The following CARMIL1 variants were observed in gnomAD, a reference collection of about 807,000 sequenced individuals.
The protein encoded by CARMIL1 is F-actin-uncapping protein LRRC16A.
In CARMIL1, 90 loss-of-function variants were observed where a neutral mutation model predicts 177.1. That is an observed-to-expected ratio of 0.51 (90% CI 0.43 to 0.61). The LOEUF is 0.61. Among genes scored for constraint, CARMIL1 ranks in the 20% least tolerant of loss-of-function variants. CARMIL1 has a pLI of 0.00. For synonymous variants in CARMIL1, 577 were observed against 606.2 expected (o/e 0.95, Z 0.71); for missense variants, 1,380 against 1,667.0 (o/e 0.83, Z 3.00).
chr6:25,515,977 C>G lies in CARMIL1; in HGVS notation c.1805+130C>G. 1.2e-6 allele frequency: 1 copy of G among 857,998 alleles called. No individual in the cohort carries two copies. Among genetic ancestry groups the G allele is most frequent in the Non-Finnish European group, 1.7e-6 (1 of 577,056 alleles). 53.1% of individuals were successfully genotyped at this position (857,998 alleles called of 1,614,324 possible). On this transcript the variant is annotated intron_variant, in intron 21 of 36. Coordinates refer to ENST00000329474, the MANE Select transcript of CARMIL1 (RefSeq NM_017640.6). This position sits in a 1 kb window ranked among gnomAD's most constrained non-coding sequence, Gnocchi z 5.0. Reference sequence around the variant, plus strand: ...AGGCCATCTTGAGGAGAAGAGGTGACAATGTCAAGATTTCTGTCAGAATAA... The same window carrying G: ...AGGCCATCTTGAGGAGAAGAGGTGAGAATGTCAAGATTTCTGTCAGAATAA...
intron 2 of CARMIL1, among the ~76,000 whole-genome samples, chr6:25,367,185 A>G (rs1015949171): frequency 6.6e-6 from 1 of 151,924 alleles, no homozygotes; most frequent in African/African-American, 2.4e-5. Flanking sequence ...GCTGCATAAC[A>G]TTTACTTTTT....
At chr6:25,512,908 C>T (rs1356864178) in intron 20 of CARMIL1, among the ~76,000 whole-genome samples, 1 of 152,120 alleles carries the variant, frequency 6.6e-6, no homozygotes, top group African/African-American at 2.4e-5. Context: ...GACAGATTCT[C>T]AGATTAAGCA....
At chr6:25,615,814 A>AATATGG (rs1360834361) in intron 36 of CARMIL1, among the ~76,000 whole-genome samples, 3 of 152,200 alleles carry the variant, frequency 2.0e-5, no homozygotes. Flanking sequence ...TCTCCTGGAA[A>AATATGG]ATATGGATGT....
intron 31 of CARMIL1, among the ~76,000 whole-genome samples, chr6:25,589,105 C>G (rs778988155): frequency 2.0e-5 from 3 of 152,238 alleles, no homozygotes; most frequent in Non-Finnish European, 4.4e-5. Flanking sequence ...TTCAGCCCCT[C>G]ATCTGGTGCT....
intron 32 of CARMIL1, among the ~76,000 whole-genome samples, chr6:25,596,223 T>C (rs1385331142): frequency 6.6e-6 from 1 of 152,150 alleles, no homozygotes. Flanking sequence ...ATTCCGTTCA[T>C]GTTTCAGTGC....
chr6:25,325,261 T>G (rs1249569828), intron 2 of CARMIL1, among the ~76,000 whole-genome samples: 1 of 152,170 alleles, frequency 6.6e-6, no homozygotes, highest in African/African-American at 2.4e-5. Context: ...ATACGTGCCA[T>G]TATGTGAGGC....
chr6:25,559,902 A>G (rs1267274277), intron 29 of CARMIL1, among the ~76,000 whole-genome samples: 2 of 152,196 alleles, frequency 1.3e-5, no homozygotes, highest in Non-Finnish European at 2.9e-5. Flanking sequence ...ATTCCATTTC[A>G]GTGCTTAAGT....
intron 8 of CARMIL1, chr6:25,451,986 G>GCCCCCCCCACCC: frequency 8.9e-6 from 1 of 112,672 alleles, no homozygotes; most frequent in Non-Finnish European, 1.7e-5. Flanking sequence ...CTAGCATCTT[G>GCCCCCCCCACCC]CCCCCCCCTC....
chr6:25,497,877 G>T (rs537833134), intron 16 of CARMIL1, among the ~76,000 whole-genome samples: 1 of 152,236 alleles, frequency 6.6e-6, no homozygotes, highest in South Asian at 2.1e-4. Context: ...GAATATGACC[G>T]CTTACTTCAT....
At chr6:25,490,523 C>T (rs372087681) in intron 13 of CARMIL1, among the ~76,000 whole-genome samples, 4 of 151,934 alleles carry the variant, frequency 2.6e-5, no homozygotes, top group African/African-American at 7.3e-5. Flanking sequence ...TATGTTGAAA[C>T]CCTGTCTCTA....
At position 25,558,479 on chromosome 6, in the gene CARMIL1, GTTGT is replaced by G. The variant is rs1311854824; in HGVS notation, c.2742+1640_2742+1643del. Among the ~76,000 whole-genome samples, 1 of 152,130 alleles carries G rather than the reference GTTGT, an allele frequency of 6.6e-6. No homozygotes were observed. Among genetic ancestry groups the G allele is most frequent in the Non-Finnish European group, 1.5e-5 (1 of 68,030 alleles). On this transcript the variant is annotated intron_variant, in intron 29 of 36. Transcript: ENST00000329474. This position sits in a 1 kb window ranked among gnomAD's most constrained non-coding sequence, Gnocchi z 4.1. The stretch of plus-strand genomic sequence containing the variant: ...TTAGTTTTGTGAAAGGAAGAAAAAG[GTTGT>G]TTGTTTGTTTTAAGTGAGTGAGTTG...
At chr6:25,330,941 A>G (rs1785567327) in intron 2 of CARMIL1, among the ~76,000 whole-genome samples, 1 of 130,108 alleles carries the variant, frequency 7.7e-6, no homozygotes, top group African/African-American at 2.9e-5. Flanking sequence ...AACTTACTGT[A>G]ATGTAATTTT....
intron 2 of CARMIL1, among the ~76,000 whole-genome samples, chr6:25,298,341 A>G (rs549960882): frequency 6.6e-6 from 1 of 152,220 alleles, no homozygotes; most frequent in African/African-American, 2.4e-5. Context: ...TACAAGGTAC[A>G]TGTTGTTATG....
chr6:25,591,452 A>G (rs1657279004), intron 31 of CARMIL1, among the ~76,000 whole-genome samples: 2 of 152,232 alleles, frequency 1.3e-5, no homozygotes, highest in African/African-American at 4.8e-5. Context: ...CCCCAGGCTC[A>G]CGGCTGAGGT....
intron 2 of CARMIL1, among the ~76,000 whole-genome samples, chr6:25,387,927 C>A (rs1028698814): frequency 6.6e-6 from 1 of 152,046 alleles, no homozygotes; most frequent in African/African-American, 2.4e-5. Flanking sequence ...CAAATGGACT[C>A]TGTCATTTTG....
intron 2 of CARMIL1, chr6:25,369,833 C>T (rs1252057885): frequency 1.3e-5 from 2 of 152,166 alleles, no homozygotes; most frequent in Non-Finnish European, 2.9e-5. Flanking sequence ...AGCTGTGGCT[C>T]CCCCTTCCAG....
intron 29 of CARMIL1, chr6:25,563,184 T>C (rs1034603490): frequency 2.0e-6 from 2 of 981,458 alleles, no homozygotes; most frequent in African/African-American, 1.7e-5. Flanking sequence ...AAACTCAGTC[T>C]TACTTTTCCT....
At chr6:25,476,097 A>C (rs974539988) in intron 11 of CARMIL1, among the ~76,000 whole-genome samples, 4 of 152,234 alleles carry the variant, frequency 2.6e-5, no homozygotes, top group African/African-American at 4.8e-5. Flanking sequence ...GATTTTATTC[A>C]ATCTTAATGC....
intron 2 of CARMIL1, among the ~76,000 whole-genome samples, chr6:25,408,973 A>G (rs1794658880): frequency 6.6e-6 from 1 of 152,178 alleles, no homozygotes; most frequent in Non-Finnish European, 1.5e-5. Flanking sequence ...TCTATTTCAT[A>G]CTGATTCTAC....
Sources: allele counts gnomAD v4.1 joint callset (sites outside exome capture counted in the v4.1 genomes callset), GRCh38; gene constraint gnomAD v4.1.1; non-coding constraint Gnocchi (gnomAD v3.1); transcripts MANE v1.5; gene names NCBI Gene and HGNC (gene_info 2026-07-23, HGNC 2026-07-21).